UNC45B: variants seen among roughly 807,000 people sequenced by gnomAD.
The protein encoded by UNC45B is protein unc-45 homolog B.
A neutral mutation model predicts 98.7 loss-of-function variants in UNC45B; 78 were observed. The observed-to-expected ratio is 0.79, with a 90% CI of 0.66 to 0.95. The LOEUF (loss-of-function observed/expected upper bound fraction) is 0.95, where lower values mean the gene tolerates loss of function less well. Ranked by LOEUF, UNC45B falls within the 40% of genes least tolerant of loss-of-function variation. UNC45B has a pLI of 0.00. For synonymous variants in UNC45B, 462 were observed against 480.4 expected, an observed-to-expected ratio of 0.96 and a Z score of 0.50; for missense variants, 1,225 against 1,184.9, an observed-to-expected ratio of 1.03 and a Z score of -0.50.
chr17:35,175,593 C>T (rs2092226901), intron 14 of UNC45B, among the ~76,000 whole-genome samples: 1 of 152,156 alleles, frequency 6.6e-6, no homozygotes, highest in Admixed American at 6.5e-5. Flanking sequence ...TGCAATATGT[C>T]TGGGGCAGGG....
chr17:35,157,165 A>C (rs1386287205), intron 7 of UNC45B, among the ~76,000 whole-genome samples: 1 of 152,106 alleles, frequency 6.6e-6, no homozygotes, highest in Non-Finnish European at 1.5e-5. Context: ...TCCAATTTGC[A>C]TGTTTATACA....
At chr17:35,170,492 C>T (rs1180666619) in intron 12 of UNC45B, among the ~76,000 whole-genome samples, 2 of 144,452 alleles carry the variant, frequency 1.4e-5, no homozygotes, top group Non-Finnish European at 3.0e-5. Context: ...TTTCCTGGGG[C>T]CCTCAGGAGG....
chr17:35,161,805 G>A (rs779717371), intron 8 of UNC45B, among the ~76,000 whole-genome samples: 1 of 146,904 alleles, frequency 6.8e-6, no homozygotes, highest in African/African-American at 2.4e-5. Context: ...TGGAACTTTC[G>A]GCCCCCCACC....
chr17:35,185,050 G>A (rs986084887), intron 19 of UNC45B, among the ~76,000 whole-genome samples: 3 of 152,188 alleles, frequency 2.0e-5, no homozygotes, highest in African/African-American at 4.8e-5. Context: ...ACACTTCAGC[G>A]TAGAAACTTT....
chr17:35,157,880 T>G (rs971514290), intron 7 of UNC45B, among the ~76,000 whole-genome samples: 10 of 152,330 alleles, frequency 6.6e-5, no homozygotes, highest in East Asian at 5.8e-4. Context: ...AGAGTTTTTT[T>G]TTGTTGTTTG....
intron 12 of UNC45B, among the ~76,000 whole-genome samples, chr17:35,171,095 C>T (rs368661237): frequency 6.6e-6 from 1 of 152,194 alleles, no homozygotes; most frequent in Non-Finnish European, 1.5e-5. Flanking sequence ...GGGACAGCTC[C>T]TATTCATACT....
intron 18 of UNC45B, among the ~76,000 whole-genome samples, chr17:35,183,121 TC>T: frequency 6.6e-6 from 1 of 151,544 alleles, no homozygotes; most frequent in East Asian, 1.9e-4. Context: ...GAAATACAGT[TC>T]CTCAGGCATC....
rs562564382 is a variant in UNC45B at position 35,176,410 on chromosome 17, G to A, written c.2025+376G>A. Among the ~76,000 whole-genome samples the A allele has an allele frequency of 1.2e-4, 18 of 152,266 alleles. No homozygotes were observed. The South Asian group carries it at 3.7e-3, about 32-fold the overall frequency. ...AGGGGGAAAATCACACTTTCAATTT[G>A]CAGACTGTCACAAGAATTAGAGAAA... On this transcript the variant is annotated intron_variant, in intron 15 of 19. Coordinates refer to ENST00000394570, the MANE Select transcript of UNC45B (RefSeq NM_001267052.2).
chr17:35,179,534 A>G (rs1445869834), intron 17 of UNC45B, among the ~76,000 whole-genome samples: 4 of 152,226 alleles, frequency 2.6e-5, no homozygotes, highest in Non-Finnish European at 4.4e-5. Flanking sequence ...GGATTAAGAA[A>G]ATGTGACACA....
In UNC45B at chr17:35,186,707, T is replaced by A; in HGVS notation, c.*148T>A. 3.4e-6 allele frequency: 3 copies of A among 890,906 alleles called. No individual in the cohort carries two copies. The highest frequency in any genetic ancestry group is 5.0e-6 in the Non-Finnish European group (3 of 603,628). The allele number at this position is 890,906 out of a possible 1,614,324, so 55.2% of individuals were successfully genotyped here. On this transcript the variant is annotated 3_prime_UTR_variant, in exon 20 of 20. Coordinates refer to ENST00000394570, the MANE Select transcript of UNC45B (RefSeq NM_001267052.2). ...AGGAAAGACTTGATTGTTCTCTGAG[T>A]TGTGAGTCTTCTCCTTTGTCCTGAC...
rs766485333 is a variant in UNC45B, at chr17:35,171,349, G to C, written c.1717G>C (p.Val573Leu). 6.2e-7 allele frequency: 1 copy of C among 1,614,052 alleles called. No homozygotes were observed. The change falls in exon 13 of 20, where the codon GTG becomes CTG. Residue 573 changes from valine (V) to leucine (L), a missense_variant. Coordinates refer to ENST00000394570, the MANE Select transcript of UNC45B (RefSeq NM_001267052.2). Reference sequence around the variant, plus strand: ...CAGTGACAAGACCATCCTGTACTCGGTGGCCACCACCCTGGTGAACTGCAC... The same window carrying C: ...CAGTGACAAGACCATCCTGTACTCGCTGGCCACCACCCTGGTGAACTGCAC... ...KTSDKTILYS[V>L]ATTLVNCTNS... is the part of the protein sequence containing the mutation.
At chr17:35,169,798 C>G (rs1046334693) in intron 10 of UNC45B, 39 bp from the exon 11 acceptor site, 1 of 1,588,876 alleles carries the variant, frequency 6.3e-7, no homozygotes, top group East Asian at 2.2e-5. Context: ...CTTGGTGTCT[C>G]TGATCCTGCA....
At chr17:35,152,735 G>A (rs551227846) in intron 4 of UNC45B, among the ~76,000 whole-genome samples, 158 bp from the exon 5 acceptor site, 1 of 152,270 alleles carries the variant, frequency 6.6e-6, no homozygotes, top group African/African-American at 2.4e-5. Context: ...TTAATTCATC[G>A]TACTTATCCA....
chr17:35,155,423 A>G lies in UNC45B; in HGVS notation c.767A>G (p.Asp256Gly), dbSNP rs1334209646. Residue 256 changes from aspartate (D) to glycine (G), a missense_variant, in exon 7 of 20, where the codon GAC becomes GGC. By Grantham distance (94) the Asp-to-Gly change is moderately conservative. Transcript: ENST00000394570. ...QAIIDSLSGE[D>G]KREHRGKEEA... ...ATCATTGACTCCTTGTCTGGGGAGG[A>G]CAAGCGGGAGCATCGAGGGAAGGAG... The G allele has an allele frequency of 6.2e-7, 1 of 1,614,148 alleles. No homozygotes were observed. The highest frequency in any genetic ancestry group is 8.5e-7 in the Non-Finnish European group (1 of 1,180,030).
At chr17:35,156,889 A>G (rs1055833098) in intron 7 of UNC45B, among the ~76,000 whole-genome samples, 14 of 152,160 alleles carry the variant, frequency 9.2e-5, no homozygotes, top group Non-Finnish European at 5.9e-5. Flanking sequence ...GCATTATATT[A>G]ATATTGCATA....
In UNC45B at chr17:35,176,019, T is replaced by C. The variant is rs1468552508; in HGVS notation, c.2010T>C (p.Ala670=). 3 of 1,614,056 alleles carry C rather than the reference T, an allele frequency of 1.9e-6. No homozygotes were observed. The highest frequency in any genetic ancestry group is 2.5e-6 in the Non-Finnish European group (3 of 1,180,032). ...DNPKDRGTIV[A]QGGGKALIPL... ...CAAAGGACCGAGGCACCATTGTGGC[T>C]CAAGGTGGTGGCAAGGTAACTGGGC... The change falls in exon 15 of 20, where the codon GCT becomes GCC. Residue 670 remains alanine (A), a synonymous_variant. Coordinates refer to ENST00000394570, the MANE Select transcript of UNC45B (RefSeq NM_001267052.2).
chr17:35,162,793 G>T (rs1227009071), intron 8 of UNC45B, among the ~76,000 whole-genome samples: 1 of 152,100 alleles, frequency 6.6e-6, no homozygotes, highest in East Asian at 1.9e-4. Context: ...ATGTTGGCCA[G>T]GCTGGTTCCA....
intron 14 of UNC45B, among the ~76,000 whole-genome samples, chr17:35,175,683 T>A (rs1406495490): frequency 6.6e-6 from 1 of 152,172 alleles, no homozygotes; most frequent in Non-Finnish European, 1.5e-5. Context: ...GGCACATCCA[T>A]TGAAGTTGAA....
intron 9 of UNC45B, among the ~76,000 whole-genome samples, chr17:35,167,575 T>C (rs926463947): frequency 1.3e-5 from 2 of 149,626 alleles, no homozygotes; most frequent in Admixed American, 1.3e-4. Context: ...TGAGCTATGA[T>C]GGCACCAGTG....
Sources: allele counts gnomAD v4.1 joint callset (sites outside exome capture counted in the v4.1 genomes callset), GRCh38; gene constraint gnomAD v4.1.1; transcripts MANE v1.5; gene names NCBI Gene and HGNC (gene_info 2026-07-23, HGNC 2026-07-21).